AK7: variants seen among roughly 807,000 people sequenced by gnomAD.
AK7 encodes ATP-AMP transphosphorylase 7.
In AK7, 78 loss-of-function variants were observed where a neutral mutation model predicts 96.6. The observed-to-expected ratio is 0.81, with a 90% CI of 0.67 to 0.97. AK7 has a LOEUF of 0.97. Ranked by LOEUF, AK7 falls within the 50% of genes least tolerant of loss-of-function variation. The pLI is 0.00. For missense variants in AK7, 855 were observed against 887.9 expected (o/e 0.96, Z 0.47); for synonymous variants, 302 against 317.2 (o/e 0.95, Z 0.51).
chr14:96,449,704 G>T, intron 8 of AK7, 98 bp from the exon 9 acceptor site: 1 of 855,600 alleles, frequency 1.2e-6, no homozygotes, highest in South Asian at 1.5e-5. Flanking sequence ...AAAGTGCTGG[G>T]ATTACAGGCG....
At chr14:96,467,874 A>G (rs1894658710) in intron 12 of AK7, among the ~76,000 whole-genome samples, 1 of 152,020 alleles carries the variant, frequency 6.6e-6, no homozygotes, top group Admixed American at 6.6e-5. Flanking sequence ...TCTGAGGTAC[A>G]TTTATTTACC....
intron 12 of AK7, among the ~76,000 whole-genome samples, chr14:96,465,247 G>T (rs947652513): frequency 2.0e-5 from 3 of 152,128 alleles, no homozygotes; most frequent in African/African-American, 7.2e-5. Context: ...GGATCACGAG[G>T]TCAGGAGATC....
chr14:96,472,337 T>A (rs1894943273), intron 13 of AK7, among the ~76,000 whole-genome samples: 1 of 152,152 alleles, frequency 6.6e-6, no homozygotes, highest in Non-Finnish European at 1.5e-5. Flanking sequence ...AATTTAAAAA[T>A]GTTATGGAGG....
chr14:96,444,709 A>G (rs1371041297), intron 7 of AK7, among the ~76,000 whole-genome samples: 1 of 151,786 alleles, frequency 6.6e-6, no homozygotes. Flanking sequence ...CCTATCGGTT[A>G]TCTTTCCTTT....
At chr14:96,440,570 C>A (rs1206866682) in intron 6 of AK7, among the ~76,000 whole-genome samples, 1 of 152,166 alleles carries the variant, frequency 6.6e-6, no homozygotes, top group African/African-American at 2.4e-5. Context: ...ATGTCTTTCC[C>A]AAATCCAAAC....
intron 5 of AK7, among the ~76,000 whole-genome samples, chr14:96,435,638 T>C (rs1213505655): frequency 6.6e-6 from 1 of 152,078 alleles, no homozygotes; most frequent in Non-Finnish European, 1.5e-5. Flanking sequence ...TGGCCTGGAT[T>C]GTCTTTCAAG....
chr14:96,451,645 CG>C, intron 10 of AK7, 75 bp downstream of exon 10: 3 of 1,304,244 alleles, frequency 2.3e-6, no homozygotes. Flanking sequence ...ATGATGCCAA[CG>C]GAAGTATTTG....
intron 8 of AK7, among the ~76,000 whole-genome samples, chr14:96,448,770 T>A (rs963014922): frequency 6.7e-5 from 10 of 149,088 alleles, no homozygotes; most frequent in Non-Finnish European, 7.4e-5. Flanking sequence ...AGCCTAGCCA[T>A]CATGGTGAAA....
chr14:96,430,375 C>T lies in AK7; in HGVS notation c.610-7460C>T, dbSNP rs1188555725. Among the ~76,000 whole-genome samples the T allele has an allele frequency of 1.3e-4, 20 of 151,764 alleles. 1 individual carries two copies. The highest frequency in any genetic ancestry group is 1.0e-4 in the Non-Finnish European group (7 of 67,962). Reference sequence around the variant, plus strand: ...TAATTTTTTGTATTTTTAGTAGAGACGGGGTTTCACTGTGTTAGCCAGGAT... The same window carrying T: ...TAATTTTTTGTATTTTTAGTAGAGATGGGGTTTCACTGTGTTAGCCAGGAT... On this transcript the variant is annotated intron_variant, in intron 5 of 17. Coordinates refer to ENST00000267584, the MANE Select transcript of AK7 (RefSeq NM_152327.5).
intron 15 of AK7, among the ~76,000 whole-genome samples, 189 bp downstream of exon 15, chr14:96,478,851 G>A (rs1485350468): frequency 1.3e-5 from 2 of 151,976 alleles, no homozygotes; most frequent in African/African-American, 4.8e-5. Context: ...GGTGGTGGGA[G>A]GGTGTTATTA....
rs553490787 is a variant in AK7, at chr14:96,456,207, A to G, written c.1099-140A>G. On this transcript the variant is annotated intron_variant, in intron 10 of 17. Transcript: ENST00000267584. Reference sequence around the variant, plus strand: ...AAGCGAGATCATGCCACTGCACTACAGCCCGAGCAACAGAGTGAGAGACTC... The same window carrying G: ...AAGCGAGATCATGCCACTGCACTACGGCCCGAGCAACAGAGTGAGAGACTC... The G allele has an allele frequency of 1.6e-4, 152 of 924,816 alleles. 1 individual carries two copies. The East Asian group carries it at 4.3e-3, about 26-fold the overall frequency. The allele number at this position is 924,816 out of a possible 1,614,324, so 57.3% of individuals were successfully genotyped here. A position where few individuals can be genotyped will look rare whatever the true frequency, so the allele number is the denominator to read the frequency against.
intron 3 of AK7, among the ~76,000 whole-genome samples, chr14:96,406,751 C>T: frequency 6.6e-6 from 1 of 151,972 alleles, no homozygotes; most frequent in East Asian, 1.9e-4. Context: ...AGCAGTATAT[C>T]ATAGCTTACT....
chr14:96,402,010 T>C (rs1890436799), intron 2 of AK7, among the ~76,000 whole-genome samples: 1 of 152,338 alleles, frequency 6.6e-6, no homozygotes, highest in African/African-American at 2.4e-5. Context: ...CAGCCTGTTA[T>C]GTTGGCTGTC....
intron 11 of AK7, chr14:96,456,884 C>A: frequency 5.2e-6 from 1 of 192,768 alleles, no homozygotes; most frequent in East Asian, 1.3e-4. Context: ...GGGCTGCCCC[C>A]GGAGCCACAG....
chr14:96,433,342 A>T (rs957481818), intron 5 of AK7, among the ~76,000 whole-genome samples: 1 of 152,066 alleles, frequency 6.6e-6, no homozygotes, highest in African/African-American at 2.4e-5. Flanking sequence ...CACATAGTCC[A>T]ATATTTCTTG....
chr14:96,410,876 C>T lies in AK7; in HGVS notation c.498+1935C>T, dbSNP rs116530879. ...AAATTAACCAGGTGCGGTGGCAAAC[C>T]TGTAGTTTTAGCTACTCAGGAGGCT... On this transcript the variant is annotated intron_variant, in intron 4 of 17. Transcript: ENST00000267584. 4.7e-3 allele frequency among the ~76,000 whole-genome samples: 710 copies of T among 152,210 alleles called. 5 individuals carry two copies. Among genetic ancestry groups the T allele is most frequent in the African/African-American group, 0.015 (629 of 41,512 alleles).
rs767496066 is a variant in AK7 at position 96,478,509 on chromosome 14, C to T, written c.1600C>T (p.Arg534Cys). 4 of 1,614,170 alleles carry T rather than the reference C, an allele frequency of 2.5e-6. No homozygotes were observed. Among genetic ancestry groups the T allele is most frequent in the South Asian group, 1.1e-5 (1 of 91,084 alleles). ...LDASDEFLKE[R>C]VINLPESIVA... is the part of the protein sequence containing the mutation. ...TGCTTCGGATGAGTTTCTGAAGGAG[C>T]GTGTGATAAACCTTCCTGAGAGCAT... is the stretch of plus-strand genomic sequence containing the variant. The change falls in exon 15 of 18, where the codon CGT (arginine) becomes TGT (cysteine). Residue 534 changes from arginine to cysteine, a missense_variant. By Grantham distance (180) the Arg-to-Cys change is radical. Coordinates refer to ENST00000267584, the MANE Select transcript of AK7 (RefSeq NM_152327.5).
Position 96,398,211 on chromosome 14 carries a change from C to T in AK7, c.242C>T (p.Thr81Met), listed in dbSNP as rs140870082. Residue 81 changes from threonine to methionine, a missense_variant, in exon 2 of 18, where the codon ACG (threonine) becomes ATG (methionine). Coordinates refer to ENST00000267584, the MANE Select transcript of AK7 (RefSeq NM_152327.5). ...VKEGTFQIVG[T>M]LSKPDSPRPD... ...GAAGGCACATTCCAGATTGTGGGCA[C>T]GCTGTCCAAGCCTGACAGCCCGCGG... The T allele has an allele frequency of 2.4e-4, 384 of 1,613,920 alleles. No individual in the cohort carries two copies. The highest frequency in any genetic ancestry group is 2.9e-4 in the Non-Finnish European group (339 of 1,180,022).
chr14:96,482,917 G>C, intron 15 of AK7, 82 bp from the exon 16 acceptor site: 2 of 1,369,254 alleles, frequency 1.5e-6, no homozygotes, highest in African/African-American at 1.4e-5. Flanking sequence ...ACTATCGCAA[G>C]TTTATAGTAA....
Sources: gnomAD v4.1 joint callset for allele counts (sites outside exome capture counted in the v4.1 genomes callset) on GRCh38, gnomAD v4.1.1 for gene constraint, MANE v1.5 for transcripts, NCBI Gene and HGNC (gene_info 2026-07-23, HGNC 2026-07-21) for gene names.